Variants in CSMD1 observed in about 807,000 individuals in gnomAD.
CSMD1 encodes CUB and sushi domain-containing protein 1.
Under a neutral mutation model 417.5 loss-of-function variants are expected in CSMD1, and 213 were observed. The observed-to-expected ratio is 0.51, with a 90% confidence interval of 0.46 to 0.57. The LOEUF (loss-of-function observed/expected upper bound fraction) is 0.57. Among genes scored for constraint, CSMD1 ranks in the 20% least tolerant of loss-of-function variants. The probability of loss-of-function intolerance (pLI) is 0.00; values close to 1 mark genes in which losing one functional copy is unlikely to be tolerated. For missense variants in CSMD1, 6,923 were observed against 4,529.7 expected (o/e 1.53, Z -15.17); for synonymous variants, 2,862 against 1,736.8 (o/e 1.65, Z -16.11).
chr8:3,327,205 G>C (rs192516429), intron 23 of CSMD1, among the ~76,000 whole-genome samples: 1 of 151,812 alleles, frequency 6.6e-6, no homozygotes, highest in Middle Eastern at 3.4e-3. Flanking sequence ...TGCAGTGGCA[G>C]GATCTCTGCT....
chr8:3,836,000 T>C (rs1186820029), intron 5 of CSMD1, among the ~76,000 whole-genome samples: 2 of 152,150 alleles, frequency 1.3e-5, no homozygotes, highest in Non-Finnish European at 2.9e-5. Flanking sequence ...TAAGATTCTA[T>C]CATTTCTACT....
At chr8:3,123,073 G>A (rs1228499432) in intron 41 of CSMD1, among the ~76,000 whole-genome samples, 2 of 152,138 alleles carry the variant, frequency 1.3e-5, no homozygotes, top group African/African-American at 4.8e-5. Context: ...ATGATTGATT[G>A]TTTTTGTTGT....
intron 18 of CSMD1, among the ~76,000 whole-genome samples, chr8:3,382,577 AATAGATAT>A (rs1810706148): frequency 7.0e-6 from 1 of 142,432 alleles, no homozygotes. Context: ...ATATATCTAT[AATAGATAT>A]ATAAATATCT....
At chr8:4,363,988 C>T (rs1801925782) in intron 3 of CSMD1, among the ~76,000 whole-genome samples, 1 of 152,084 alleles carries the variant, frequency 6.6e-6, no homozygotes, top group Non-Finnish European at 1.5e-5. Flanking sequence ...GCTAGCATAA[C>T]AGGTTGACTG....
At chr8:4,988,923 G>A (rs765804205) in intron 1 of CSMD1, among the ~76,000 whole-genome samples, 7 of 152,026 alleles carry the variant, frequency 4.6e-5, no homozygotes, top group Non-Finnish European at 8.8e-5. Flanking sequence ...TCTTTTTCCT[G>A]TAAAGGGAAT....
intron 3 of CSMD1, among the ~76,000 whole-genome samples, chr8:4,249,464 G>A (rs750051627): frequency 6.6e-6 from 1 of 152,206 alleles, no homozygotes; most frequent in Non-Finnish European, 1.5e-5. Context: ...GACAGTGCGT[G>A]ATGTAAACAG....
intron 3 of CSMD1, among the ~76,000 whole-genome samples, chr8:4,131,969 T>A (rs1278615287): frequency 6.6e-6 from 1 of 152,006 alleles, no homozygotes; most frequent in Non-Finnish European, 1.5e-5. Flanking sequence ...TTTCACCATG[T>A]TAGCCAGGAT....
chr8:4,680,128 A>T (rs1805946123), intron 1 of CSMD1, among the ~76,000 whole-genome samples: 1 of 152,220 alleles, frequency 6.6e-6, no homozygotes, highest in Non-Finnish European at 1.5e-5. Context: ...ATTTGGTAAA[A>T]GGACAACTAT....
chr8:3,398,239 G>T (rs1474022584), intron 16 of CSMD1, among the ~76,000 whole-genome samples: 1 of 152,136 alleles, frequency 6.6e-6, no homozygotes, highest in Admixed American at 6.6e-5. Context: ...CCAGTAAGTG[G>T]AGAAATTAGT....
At chr8:2,982,613 T>C (rs1413563176) in intron 54 of CSMD1, among the ~76,000 whole-genome samples, 1 of 152,202 alleles carries the variant, frequency 6.6e-6, no homozygotes, top group Non-Finnish European at 1.5e-5. Context: ...CACACCGTAG[T>C]AGGTCTCAGC....
intron 3 of CSMD1, among the ~76,000 whole-genome samples, chr8:4,389,323 T>C (rs1407522512): frequency 6.6e-6 from 1 of 152,146 alleles, no homozygotes; most frequent in Non-Finnish European, 1.5e-5. Flanking sequence ...ATCCTTGTCA[T>C]CCTTCTCTTG....
At chr8:4,442,671 C>G (rs933368997) in intron 2 of CSMD1, among the ~76,000 whole-genome samples, 1 of 152,150 alleles carries the variant, frequency 6.6e-6, no homozygotes, top group Non-Finnish European at 1.5e-5. Context: ...CATTGACTTT[C>G]CCTTATTCAA....
chr8:3,413,700 C>T (rs1812955044), intron 12 of CSMD1, among the ~76,000 whole-genome samples: 1 of 152,162 alleles, frequency 6.6e-6, no homozygotes, highest in Non-Finnish European at 1.5e-5. Context: ...TGACAAAATT[C>T]ACACAAGTTT....
rs1801544145 is a variant in CSMD1 at position 2,937,245 on chromosome 8, C to G, written c.*1340G>C. On this transcript the variant is annotated 3_prime_UTR_variant, in exon 70 of 70. Coordinates refer to ENST00000635120, the MANE Select transcript of CSMD1 (RefSeq NM_033225.6). ...CTGAAATTACCTTTCCATCTGGAAT[C>G]ATAAAGCATGAAACAAATAACAAAT... The G allele has an allele frequency of 6.6e-6, 1 of 152,026 alleles. No individual in the cohort carries two copies. Among genetic ancestry groups the G allele is most frequent in the Non-Finnish European group, 1.5e-5 (1 of 67,996 alleles). 9.4% of individuals were successfully genotyped at this position (152,026 alleles called of 1,614,324 possible).
chr8:3,761,816 C>A (rs1047629990), intron 5 of CSMD1, among the ~76,000 whole-genome samples: 2 of 152,100 alleles, frequency 1.3e-5, no homozygotes, highest in African/African-American at 4.8e-5. Flanking sequence ...AAAATTACCA[C>A]TTTCTACAAG....
At chr8:2,960,317 G>A (rs1289746638) in intron 62 of CSMD1, among the ~76,000 whole-genome samples, 2 of 152,196 alleles carry the variant, frequency 1.3e-5, no homozygotes, top group Admixed American at 1.3e-4. Context: ...AGAGCTACAA[G>A]GAAATGGCCA....
intron 1 of CSMD1, among the ~76,000 whole-genome samples, chr8:4,808,070 G>C (rs565654102): frequency 7.2e-5 from 11 of 152,090 alleles, no homozygotes; most frequent in African/African-American, 2.7e-4. Flanking sequence ...TACTCGTGTG[G>C]GCTCAATGTC....
In CSMD1 at chr8:3,399,828, G is replaced by C. The variant is rs945599048; in HGVS notation, c.2267-299C>G. ...ATTTAACTGCTAACCATTTCATTACGTACATGCCCGGTTATCTATAGTTTA... is the reference window on the plus strand; with the variant it reads ...ATTTAACTGCTAACCATTTCATTACCTACATGCCCGGTTATCTATAGTTTA... On this transcript the variant is annotated intron_variant, in intron 15 of 69. Coordinates refer to ENST00000635120, the MANE Select transcript of CSMD1 (RefSeq NM_033225.6). Among the ~76,000 whole-genome samples, 6 of 152,098 alleles carry C rather than the reference G, an allele frequency of 3.9e-5. No individual in the cohort carries two copies. The South Asian group carries it at 1.0e-3, about 26-fold the overall frequency.
chr8:3,599,147 G>C (rs531776796), intron 8 of CSMD1, among the ~76,000 whole-genome samples: 11 of 137,118 alleles, frequency 8.0e-5, no homozygotes, highest in African/African-American at 3.0e-4. Context: ...GTGTGTGTGT[G>C]TGTCTGTGTG....
Sources: gnomAD v4.1 joint callset for allele counts (sites outside exome capture counted in the v4.1 genomes callset) on GRCh38, gnomAD v4.1.1 for gene constraint, MANE v1.5 for transcripts, NCBI Gene and HGNC (gene_info 2026-07-23, HGNC 2026-07-21) for gene names.